The following MUC17 variants were observed in gnomAD, a reference collection of about 807,000 sequenced individuals.
The protein encoded by MUC17 is mucin-17.
In MUC17, 190 loss-of-function variants were observed where a neutral mutation model predicts 170.3. The ratio of observed to expected loss-of-function variants is 1.12; its 90% CI spans 0.99 to 1.26. MUC17 has a LOEUF of 1.26. Among genes scored for constraint, MUC17 ranks in the 50% most tolerant of loss-of-function variants. The probability of loss-of-function intolerance (pLI) is 0.00; values close to 1 mark genes in which losing one functional copy is unlikely to be tolerated. For synonymous variants in MUC17, 2,325 were observed against 2,002.5 expected, an observed-to-expected ratio of 1.16 and a Z score of -4.30; for missense variants, 6,415 against 5,530.0, an observed-to-expected ratio of 1.16 and a Z score of -5.08.
rs141716145 is a variant in MUC17, at chr7:101,037,836, T to C, written c.6420T>C (p.Ser2140=). 1.5e-4 allele frequency: 239 copies of C among 1,613,858 alleles called. 2 individuals are homozygous for C. The African/African-American group carries it at 2.4e-3, about 16-fold the overall frequency. ...NSPVITSTEV[S]SSPIPTEGTS... ...CTGTGATCACTTCTACTGAAGTCAG[T>C]TCATCTCCTATACCTACTGAAGGTA... Residue 2140 remains serine (S), a synonymous_variant, in exon 3 of 13, where the codon AGT becomes AGC. Transcript: ENST00000306151.
At position 101,037,108 on chromosome 7, in the gene MUC17, G is replaced by A. The variant is rs1390368410; in HGVS notation, c.5692G>A (p.Val1898Met). Residue 1898 changes from valine to methionine, a missense_variant, in exon 3 of 13, where the codon GTG becomes ATG. By Grantham distance (21) the Val-to-Met change is conservative. Coordinates refer to ENST00000306151, the MANE Select transcript of MUC17 (RefSeq NM_001040105.2). ...AACTCCCGCTGTCACCAGCACACCT[G>A]TGACCACTTATGCTCAAGTCAGTTC... ...STTPAVTSTPVTTYAQVSSSP... is the reference protein window; with the variant it reads ...STTPAVTSTPMTTYAQVSSSP... The A allele has an allele frequency of 6.3e-7, 1 of 1,585,740 alleles. No individual in the cohort carries two copies. Among genetic ancestry groups the A allele is most frequent in the South Asian group, 1.2e-5 (1 of 81,346 alleles).
rs761053384 is a variant in MUC17, at chr7:101,036,841, C to G, written c.5425C>G (p.Pro1809Ala). 8.7e-6 allele frequency: 14 copies of G among 1,605,302 alleles called. 1 individual carries two copies. In the South Asian group the frequency reaches 1.6e-4, roughly 18 times the overall value. The change falls in exon 3 of 13, where the codon CCA (proline) becomes GCA (alanine). Residue 1809 changes from proline (P) to alanine (A), a missense_variant. Transcript: ENST00000306151. ...PTSTLSEGMT[P>A]LTSTPVSHTL... The stretch of plus-strand genomic sequence containing the variant: ...CTCGACTCTTAGTGAAGGAATGACT[C>G]CATTAACAAGCACACCTGTCAGCCA...
At chr7:101,054,484 T>C (rs1449403749) in intron 11 of MUC17, among the ~76,000 whole-genome samples, 3 of 151,798 alleles carry the variant, frequency 2.0e-5, no homozygotes. Context: ...AAGGGGAAGA[T>C]TAGAATGAGG....
At chr7:101,052,858 T>G in intron 9 of MUC17, 128 bp from the exon 10 acceptor site, 1 of 1,153,580 alleles carries the variant, frequency 8.7e-7, no homozygotes. Flanking sequence ...CGGGGTGCCT[T>G]GCTTTATGCC....
intron 7 of MUC17, 54 bp from the exon 8 acceptor site, chr7:101,051,559 G>C: frequency 6.3e-7 from 1 of 1,579,290 alleles, no homozygotes; most frequent in Non-Finnish European, 8.7e-7. Flanking sequence ...GCTCCCTGAG[G>C]ACGCAGAACA....
rs1397776779 is a variant in MUC17 at position 101,032,806 on chromosome 7, G to C, written c.1390G>C (p.Val464Leu). ...LTSMPVSTTP[V>L]ASSEASNLST... ...AAGTATGCCTGTCAGCACCACTCCA[G>C]TGGCCAGTTCTGAGGCTAGCAACCT... is the stretch of plus-strand genomic sequence containing the variant. The change falls in exon 3 of 13, where the codon GTG becomes CTG. Residue 464 changes from valine to leucine, a missense_variant. By Grantham distance (32) the Val-to-Leu change is conservative. Transcript: ENST00000306151. 1 of 1,613,948 alleles carries C rather than the reference G, an allele frequency of 6.2e-7. No homozygotes were observed. Among genetic ancestry groups the C allele is most frequent in the African/African-American group, 1.3e-5 (1 of 74,882 alleles).
chr7:101,033,948 T>C lies in MUC17; in HGVS notation c.2532T>C (p.Ser844=). The change falls in exon 3 of 13, where the codon AGT becomes AGC. Residue 844 remains serine, a synonymous_variant. Transcript: ENST00000306151. ...CTGTGACCACTTCTACTGAAGTCAGTTCATCTCCTACACCTGCTGAAGGTA... is the reference window on the plus strand; with the variant it reads ...CTGTGACCACTTCTACTGAAGTCAGCTCATCTCCTACACCTGCTGAAGGTA... ...NSPVTTSTEV[S]SSPTPAEGTS... The C allele has an allele frequency of 1.9e-6, 3 of 1,613,354 alleles. No individual in the cohort carries two copies. The highest frequency in any genetic ancestry group is 2.5e-6 in the Non-Finnish European group (3 of 1,179,608).
chr7:101,040,959 T>C lies in MUC17; in HGVS notation c.9543T>C (p.Asp3181=), dbSNP rs775219203. 1.2e-6 allele frequency: 2 copies of C among 1,604,098 alleles called. No individual in the cohort carries two copies. Among genetic ancestry groups the C allele is most frequent in the South Asian group, 1.1e-5 (1 of 90,676 alleles). The stretch of plus-strand genomic sequence containing the variant: ...CCATGCTGGTAGTCAGTTCTGAGGA[T>C]AGCACCCTTTCAGCAACTCCTGTTG... The part of the protein sequence containing the change: ...VSTMLVVSSE[D]STLSATPVDT... The change falls in exon 3 of 13, where the codon GAT becomes GAC. Residue 3181 remains aspartate (D), a synonymous_variant. Coordinates refer to ENST00000306151, the MANE Select transcript of MUC17 (RefSeq NM_001040105.2).
At chr7:101,054,607 T>A (rs1449479693) in intron 11 of MUC17, among the ~76,000 whole-genome samples, 1 of 151,918 alleles carries the variant, frequency 6.6e-6, no homozygotes, top group Non-Finnish European at 1.5e-5. Context: ...GGCTGGAGGA[T>A]CTCTTGAGGC....
intron 11 of MUC17, among the ~76,000 whole-genome samples, chr7:101,055,127 G>A (rs1795024268): frequency 6.6e-6 from 1 of 151,970 alleles, no homozygotes; most frequent in Admixed American, 6.6e-5. Context: ...AGGAGGAGGA[G>A]GAAGGGGAAG....
rs752357113 is a variant in MUC17 at position 101,032,643 on chromosome 7, G to A, written c.1227G>A (p.Glu409=). ...GCACCATATTGGTGGCCAGTTCTGA[G>A]GCTAGCACCACTTCAACAATTCCTG... is the stretch of plus-strand genomic sequence containing the variant. ...PVSTILVASS[E]ASTTSTIPVD... is the part of the protein sequence containing the mutation. Residue 409 remains glutamate (E), a synonymous_variant, in exon 3 of 13, where the codon GAG becomes GAA. Coordinates refer to ENST00000306151, the MANE Select transcript of MUC17 (RefSeq NM_001040105.2). 2 of 1,613,146 alleles carry A rather than the reference G, an allele frequency of 1.2e-6. No homozygotes were observed. Among genetic ancestry groups the A allele is most frequent in the Non-Finnish European group, 1.7e-6 (2 of 1,179,536 alleles).
In MUC17 at chr7:101,041,753, CCA is replaced by C. The variant is rs1178810626; in HGVS notation, c.10338_10339del (p.Ser3447LeufsTer7). Reference sequence around the variant, plus strand: ...TCATCTCCTACAATCGCTGAAGGTACCAGCTTGCCAACCTCAACTACTAGTGA... The same window carrying C: ...TCATCTCCTACAATCGCTGAAGGTACGCTTGCCAACCTCAACTACTAGTGA... On this transcript the variant is annotated frameshift_variant, in exon 3 of 13. Transcript: ENST00000306151. LOFTEE classifies it high-confidence loss of function. 1.2e-6 allele frequency: 2 copies of C among 1,613,832 alleles called. No homozygotes were observed. Among genetic ancestry groups the C allele is most frequent in the Admixed American group, 1.7e-5 (1 of 60,000 alleles).
At chr7:101,020,437 C>G (rs1794052181) in intron 1 of MUC17, among the ~76,000 whole-genome samples, 1 of 152,322 alleles carries the variant, frequency 6.6e-6, no homozygotes, top group South Asian at 2.1e-4. Context: ...GTTGAGGTCT[C>G]TGAGCCTTAG....
At position 101,037,330 on chromosome 7, in the gene MUC17, G is replaced by T. The variant is rs1283320286; in HGVS notation, c.5914G>T (p.Gly1972Cys). The T allele has an allele frequency of 6.2e-7, 1 of 1,613,974 alleles. No homozygotes were observed. Among genetic ancestry groups the T allele is most frequent in the East Asian group, 2.2e-5 (1 of 44,882 alleles). ...QASSSPTTAD[G>C]TSMPTPAYSE... ...CAGTTCATCTCCTACAACTGCTGAT[G>T]GTACCAGCATGCCAACCCCAGCTTA... The change falls in exon 3 of 13, where the codon GGT becomes TGT. Residue 1972 changes from glycine to cysteine, a missense_variant. Physicochemically the swap from Gly to Cys is radical, Grantham distance 159. Transcript: ENST00000306151.
In MUC17 at chr7:101,040,186, A is replaced by C; in HGVS notation, c.8770A>C (p.Ser2924Arg). 6.2e-7 allele frequency: 1 copy of C among 1,609,514 alleles called. No individual in the cohort carries two copies. Among genetic ancestry groups the C allele is most frequent in the Non-Finnish European group, 8.5e-7 (1 of 1,178,578 alleles). ...EGTSMPISTP[S>R]EVSTPLTSIL... is the part of the protein sequence containing the mutation. Reference sequence around the variant, plus strand: ...TACCAGCATGCCAATCTCAACTCCTAGTGAAGTAAGTACTCCATTAACAAG... The same window carrying C: ...TACCAGCATGCCAATCTCAACTCCTCGTGAAGTAAGTACTCCATTAACAAG... Residue 2924 changes from serine (S) to arginine (R), a missense_variant, in exon 3 of 13, where the codon AGT (serine) becomes CGT (arginine). Physicochemically the swap from Ser to Arg is moderately radical, Grantham distance 110. Coordinates refer to ENST00000306151, the MANE Select transcript of MUC17 (RefSeq NM_001040105.2).
rs932430221 is a variant in MUC17 at position 101,024,758 on chromosome 7, T to C, written c.82+4541T>C. Among the ~76,000 whole-genome samples, 91 of 150,056 alleles carry C rather than the reference T, an allele frequency of 6.1e-4. 3 individuals carry two copies. Among genetic ancestry groups the C allele is most frequent in the Admixed American group, 5.0e-3 (76 of 15,060 alleles). On this transcript the variant is annotated intron_variant, in intron 1 of 12. Transcript: ENST00000306151. ...TCCTCCTTTTTTTTTTTTTTTTTTT[T>C]CTGAGATGGCGCCTTGCCCTGTCGC...
rs748611024 is a variant in MUC17, at chr7:101,033,124, A to C, written c.1708A>C (p.Thr570Pro). 16 of 1,611,582 alleles carry C rather than the reference A, an allele frequency of 9.9e-6. No homozygotes were observed. The highest frequency in any genetic ancestry group is 4.4e-5 in the South Asian group (4 of 90,964). The change falls in exon 3 of 13, where the codon ACT (threonine) becomes CCT (proline). Residue 570 changes from threonine to proline, a missense_variant. Transcript: ENST00000306151. ...IPTSTPSEGS[T>P]PLTNMPVSTR... ...AACCTCAACTCCTAGTGAAGGAAGC[A>C]CTCCATTAACAAACATGCCTGTCAG...
At position 101,040,724 on chromosome 7, in the gene MUC17, G is replaced by A. The variant is rs745457096; in HGVS notation, c.9308G>A (p.Gly3103Glu). ...TSMPISTYSE[G>E]STPLTGVPVS... is the part of the protein sequence containing the mutation. ...ATGCCAATCTCAACTTATAGTGAAG[G>A]AAGCACTCCATTAACAGGTGTGCCT... The change falls in exon 3 of 13, where the codon GGA becomes GAA. Residue 3103 changes from glycine to glutamate, a missense_variant. By Grantham distance (98) the Gly-to-Glu change is moderately conservative. Transcript: ENST00000306151. 1.2e-5 allele frequency: 19 copies of A among 1,613,052 alleles called. No homozygotes were observed. In the South Asian group the frequency reaches 1.2e-4, roughly 10 times the overall value.
Position 101,053,407 on chromosome 7 carries a change from T to A in MUC17, c.13334T>A (p.Phe4445Tyr). Residue 4445 changes from phenylalanine (F) to tyrosine (Y), a missense_variant, in exon 11 of 13, where the codon TTC becomes TAC. Transcript: ENST00000306151. ...EEDSGPAPGT[F>Y]QNIGFDICQD... is the part of the protein sequence containing the mutation. ...GACAGTGGACCAGCTCCTGGGACCTTCCAAAACATTGGCTTTGACATCTGC... is the reference window on the plus strand; with the variant it reads ...GACAGTGGACCAGCTCCTGGGACCTACCAAAACATTGGCTTTGACATCTGC... The A allele has an allele frequency of 6.2e-7, 1 of 1,613,836 alleles. No individual in the cohort carries two copies. The highest frequency in any genetic ancestry group is 1.1e-5 in the South Asian group (1 of 91,054).
Sources: gnomAD v4.1 joint callset for allele counts (sites outside exome capture counted in the v4.1 genomes callset) on GRCh38, gnomAD v4.1.1 for gene constraint, MANE v1.5 for transcripts, NCBI Gene and HGNC (gene_info 2026-07-23, HGNC 2026-07-21) for gene names.